The following RNF169 variants were observed in gnomAD, a reference collection of about 807,000 sequenced individuals.
RNF169 encodes the protein E3 ubiquitin-protein ligase RNF169.
In RNF169, 24 loss-of-function variants were observed where a neutral mutation model predicts 53.9. That is an observed-to-expected ratio of 0.45 (90% CI 0.32 to 0.63). The LOEUF (loss-of-function observed/expected upper bound fraction) is 0.63, where lower values mean the gene tolerates loss of function less well. Ranked by LOEUF, RNF169 falls within the 20% of genes least tolerant of loss-of-function variation. The pLI is 0.04. For missense variants in RNF169, 883 were observed against 906.2 expected (o/e 0.97, Z 0.33); for synonymous variants, 396 against 363.5 (o/e 1.09, Z -1.02).
At chr11:74,827,801 CAATA>C (rs1379924703) in intron 4 of RNF169, among the ~76,000 whole-genome samples, 6 of 152,130 alleles carry the variant, frequency 3.9e-5, no homozygotes, top group Non-Finnish European at 8.8e-5. Context: ...TGAAAACTCT[CAATA>C]AACTAGATAT....
intron 1 of RNF169, among the ~76,000 whole-genome samples, chr11:74,776,263 C>T (rs973548607): frequency 6.6e-6 from 1 of 151,884 alleles, no homozygotes. Flanking sequence ...ACTTATTTTC[C>T]CTTCCTTCTG....
At chr11:74,775,426 A>T (rs761149537) in intron 1 of RNF169, among the ~76,000 whole-genome samples, 14 of 152,072 alleles carry the variant, frequency 9.2e-5, no homozygotes, top group Non-Finnish European at 1.5e-4. Flanking sequence ...TTTTTAGTGA[A>T]TCAAAATCTG....
intron 2 of RNF169, among the ~76,000 whole-genome samples, chr11:74,792,942 C>T (rs1030901488): frequency 2.0e-5 from 3 of 152,162 alleles, no homozygotes; most frequent in Admixed American, 2.0e-4. Flanking sequence ...ACCCCAAGTA[C>T]CCAAGTTATC....
intron 1 of RNF169, among the ~76,000 whole-genome samples, chr11:74,781,505 C>G (rs979733336): frequency 3.9e-5 from 6 of 152,156 alleles, no homozygotes; most frequent in African/African-American, 1.2e-4. Flanking sequence ...TTAGGTTGTT[C>G]CCAGTCTTTA....
chr11:74,749,465 C>T (rs985104484), intron 1 of RNF169, 83 bp downstream of exon 1: 45 of 1,108,838 alleles, frequency 4.1e-5, no homozygotes, highest in African/African-American at 5.6e-5. Context: ...TGGAGAGTCC[C>T]GGGCCCTACT....
chr11:74,828,676 A>G lies in RNF169; in HGVS notation c.843-6000A>G, dbSNP rs570586748. 3.3e-5 allele frequency among the ~76,000 whole-genome samples: 5 copies of G among 152,340 alleles called. No homozygotes were observed. The East Asian group carries it at 7.7e-4, about 24-fold the overall frequency. On this transcript the variant is annotated intron_variant, in intron 4 of 5. Transcript: ENST00000299563. Reference sequence around the variant, plus strand: ...ACCAATGGAACAGAATAGAGAATCCAGAAATAAGACCACATACCTACAACC... The same window carrying G: ...ACCAATGGAACAGAATAGAGAATCCGGAAATAAGACCACATACCTACAACC...
chr11:74,754,648 C>T (rs995474051), intron 1 of RNF169, among the ~76,000 whole-genome samples: 1 of 152,104 alleles, frequency 6.6e-6, no homozygotes, highest in African/African-American at 2.4e-5. Flanking sequence ...TGGGGAAACC[C>T]TGTCTTTACT....
chr11:74,749,607 C>T (rs557207003), intron 1 of RNF169, among the ~76,000 whole-genome samples: 10 of 152,126 alleles, frequency 6.6e-5, no homozygotes, highest in Non-Finnish European at 1.5e-4. Flanking sequence ...GCACCCTGTG[C>T]CTTACGTAAG....
intron 2 of RNF169, among the ~76,000 whole-genome samples, chr11:74,809,745 A>G (rs1386994273): frequency 1.3e-5 from 2 of 152,236 alleles, no homozygotes; most frequent in South Asian, 2.1e-4. Context: ...AATGTAGGAC[A>G]TTAGAACTGC....
In RNF169 at chr11:74,839,233, C is replaced by T. The variant is rs182201762; in HGVS notation, c.*2503C>T. 10 of 152,248 alleles carry T rather than the reference C, an allele frequency of 6.6e-5. No individual in the cohort carries two copies. The highest frequency in any genetic ancestry group is 1.3e-4 in the Non-Finnish European group (9 of 68,024). The allele number at this position is 152,248 out of a possible 1,614,324, so 9.4% of individuals were successfully genotyped here. A position where few individuals can be genotyped will look rare whatever the true frequency, so the allele number is the denominator to read the frequency against. ...TCTAAACTTCCTGCTGAGCAACAGT[C>T]CTTCAAATATAGGTAGAGTGGTCTA... On this transcript the variant is annotated 3_prime_UTR_variant, in exon 6 of 6. Transcript: ENST00000299563.
intron 3 of RNF169, among the ~76,000 whole-genome samples, chr11:74,813,032 G>A (rs1033614295): frequency 6.6e-6 from 1 of 152,148 alleles, no homozygotes; most frequent in African/African-American, 2.4e-5. Context: ...CAGCTTACCT[G>A]TTGGAAGGTT....
Position 74,810,243 on chromosome 11 carries a change from A to G in RNF169, c.636A>G (p.Leu212=), listed in dbSNP as rs769758177. The G allele has an allele frequency of 1.2e-6, 2 of 1,613,296 alleles. No homozygotes were observed. Among genetic ancestry groups the G allele is most frequent in the East Asian group, 4.5e-5 (2 of 44,870 alleles). ...CTGAAGATCAAATCCACAAGCTGTT[A>G]CCAGAGGATACAGAAACAGGGAAAA... ...KPSEDQIHKL[L]PEDTETGKRK... The change falls in exon 3 of 6, where the codon TTA becomes TTG. Residue 212 remains leucine, a synonymous_variant. Coordinates refer to ENST00000299563, the MANE Select transcript of RNF169 (RefSeq NM_001098638.2).
chr11:74,818,940 C>G (rs975413020), intron 4 of RNF169, among the ~76,000 whole-genome samples: 1 of 152,106 alleles, frequency 6.6e-6, no homozygotes, highest in Non-Finnish European at 1.5e-5. Context: ...TCTGCTCTAC[C>G]CTTCTTACAT....
At chr11:74,824,720 T>G (rs1484390480) in intron 4 of RNF169, among the ~76,000 whole-genome samples, 1 of 152,230 alleles carries the variant, frequency 6.6e-6, no homozygotes, top group Non-Finnish European at 1.5e-5. Flanking sequence ...GGAAAAATGA[T>G]GCTGATAGAC....
intron 3 of RNF169, among the ~76,000 whole-genome samples, chr11:74,813,528 C>T (rs1380819874): frequency 6.6e-6 from 1 of 152,204 alleles, no homozygotes; most frequent in East Asian, 1.9e-4. Flanking sequence ...AATTACTTGT[C>T]ATCCCACAAC....
intron 2 of RNF169, among the ~76,000 whole-genome samples, chr11:74,795,403 T>G (rs1046255533): frequency 6.6e-6 from 1 of 151,998 alleles, no homozygotes; most frequent in Non-Finnish European, 1.5e-5. Flanking sequence ...AGGCTGGACT[T>G]GAACCTCTGG....
At chr11:74,775,560 C>G (rs1448702724) in intron 1 of RNF169, among the ~76,000 whole-genome samples, 1 of 151,782 alleles carries the variant, frequency 6.6e-6, no homozygotes, top group African/African-American at 2.4e-5. Context: ...CTGGTCATAC[C>G]ATACTACTCA....
chr11:74,777,593 C>G (rs2035355132), intron 1 of RNF169, among the ~76,000 whole-genome samples: 1 of 151,886 alleles, frequency 6.6e-6, no homozygotes, highest in Non-Finnish European at 1.5e-5. Flanking sequence ...AAACCTTATT[C>G]ACTTTGACTC....
chr11:74,755,270 T>G (rs1205557357), intron 1 of RNF169, among the ~76,000 whole-genome samples: 3 of 152,200 alleles, frequency 2.0e-5, no homozygotes, highest in Non-Finnish European at 4.4e-5. Context: ...AAACAGTAAT[T>G]ACTATTGAAG....
Sources: gnomAD v4.1 joint callset for allele counts (sites outside exome capture counted in the v4.1 genomes callset) on GRCh38, gnomAD v4.1.1 for gene constraint, MANE v1.5 for transcripts, NCBI Gene and HGNC (gene_info 2026-07-23, HGNC 2026-07-21) for gene names.